Variants in MAGI2 observed in about 807,000 individuals in gnomAD.
MAGI2 encodes the protein membrane associated guanylate kinase, WW and PDZ domain containing 2, also known as membrane-associated guanylate kinase, WW and PDZ domain-containing protein 2.
In MAGI2, 35 loss-of-function variants were observed where a neutral mutation model predicts 133.3. The observed-to-expected ratio is 0.26, with a 90% CI of 0.20 to 0.35. The LOEUF (loss-of-function observed/expected upper bound fraction) is 0.35. Among genes scored for constraint, MAGI2 ranks in the 10% least tolerant of loss-of-function variants. The pLI, the probability that MAGI2 is intolerant of heterozygous loss-of-function variation, is 1.00. For missense variants in MAGI2, 1,636 were observed against 1,863.4 expected (o/e 0.88, Z 2.25); for synonymous variants, 729 against 710.6 (o/e 1.03, Z -0.41).
intron 3 of MAGI2, among the ~76,000 whole-genome samples, chr7:78,571,084 T>C (rs1801449055): frequency 6.6e-6 from 1 of 152,194 alleles, no homozygotes; most frequent in Non-Finnish European, 1.5e-5. Context: ...CTCCTCGAAG[T>C]GAAATGCTCT....
At chr7:78,678,760 A>G (rs1815318036) in intron 2 of MAGI2, among the ~76,000 whole-genome samples, 1 of 152,138 alleles carries the variant, frequency 6.6e-6, no homozygotes, top group Non-Finnish European at 1.5e-5. Flanking sequence ...ATTTAGACTC[A>G]TTATGTGAAT....
chr7:79,044,604 A>T (rs1334131429), intron 1 of MAGI2, among the ~76,000 whole-genome samples: 2 of 152,004 alleles, frequency 1.3e-5, no homozygotes, highest in South Asian at 2.1e-4. Context: ...AATAAAAGGC[A>T]CTCAAATAGG....
chr7:79,281,018 A>T (rs1835601241), intron 1 of MAGI2, among the ~76,000 whole-genome samples: 2 of 151,376 alleles, frequency 1.3e-5, no homozygotes, highest in Admixed American at 1.3e-4. Context: ...GCATAACCTA[A>T]CTGTTTCAAA....
chr7:79,207,183 C>T (rs1829126857), intron 1 of MAGI2, among the ~76,000 whole-genome samples: 1 of 151,856 alleles, frequency 6.6e-6, no homozygotes, highest in African/African-American at 2.4e-5. Context: ...CTACTCTCAC[C>T]ACTTTTATCC....
intron 1 of MAGI2, among the ~76,000 whole-genome samples, chr7:79,023,660 CAA>C (rs1207066472): frequency 6.6e-6 from 1 of 152,076 alleles, no homozygotes; most frequent in Admixed American, 6.6e-5. Context: ...AATCAATGTA[CAA>C]AAATCAGTAG....
At chr7:79,413,883 G>A (rs984801702) in intron 1 of MAGI2, 1 of 151,976 alleles carries the variant, frequency 6.6e-6, no homozygotes, top group Non-Finnish European at 1.5e-5. Flanking sequence ...CCACTCCTTT[G>A]TCCATTATTC....
chr7:78,268,513 C>G (rs1794237398), intron 9 of MAGI2, among the ~76,000 whole-genome samples: 2 of 152,012 alleles, frequency 1.3e-5, no homozygotes, highest in Non-Finnish European at 2.9e-5. Flanking sequence ...TATAGTGTCC[C>G]CATTACATAG....
chr7:78,723,362 C>A (rs1464637203), intron 2 of MAGI2, among the ~76,000 whole-genome samples: 2 of 152,166 alleles, frequency 1.3e-5, no homozygotes, highest in Non-Finnish European at 2.9e-5. Context: ...TGGGCCCTAA[C>A]ACATTTGTAA....
At chr7:78,240,049 A>T (rs1790973291) in intron 10 of MAGI2, among the ~76,000 whole-genome samples, 1 of 151,876 alleles carries the variant, frequency 6.6e-6, no homozygotes, top group South Asian at 2.1e-4. Flanking sequence ...TTTGTTACAT[A>T]GGTGTACATG....
At chr7:78,432,914 A>C (rs1395998532) in intron 6 of MAGI2, among the ~76,000 whole-genome samples, 1 of 152,084 alleles carries the variant, frequency 6.6e-6, no homozygotes, top group African/African-American at 2.4e-5. Flanking sequence ...ATCTAATATC[A>C]GATAATGGTA....
chr7:79,288,775 A>G (rs1836233858), intron 1 of MAGI2, among the ~76,000 whole-genome samples: 1 of 152,184 alleles, frequency 6.6e-6, no homozygotes, highest in African/African-American at 2.4e-5. Flanking sequence ...AACATTATCT[A>G]CTTTAAAATG....
At chr7:78,866,469 A>G (rs1794563409) in intron 2 of MAGI2, among the ~76,000 whole-genome samples, 1 of 151,970 alleles carries the variant, frequency 6.6e-6, no homozygotes, top group African/African-American at 2.4e-5. Flanking sequence ...CTCTCATGTG[A>G]AATTAAGAAG....
intron 3 of MAGI2, among the ~76,000 whole-genome samples, chr7:78,556,666 A>G (rs1799851891): frequency 6.6e-6 from 1 of 152,236 alleles, no homozygotes; most frequent in Non-Finnish European, 1.5e-5. Flanking sequence ...TTTGCTCACT[A>G]TTGTCTAAGT....
At chr7:78,726,226 A>G (rs148722073) in intron 2 of MAGI2, among the ~76,000 whole-genome samples, 30 of 152,318 alleles carry the variant, frequency 2.0e-4, no homozygotes, top group Non-Finnish European at 4.1e-4. Context: ...AACCACTGAT[A>G]ATTTACAGTA....
chr7:78,329,593 A>C (rs1045801181), intron 9 of MAGI2, among the ~76,000 whole-genome samples: 2 of 152,238 alleles, frequency 1.3e-5, no homozygotes, highest in Non-Finnish European at 2.9e-5. Context: ...TTCTCTTAGC[A>C]GAAACATTTA....
chr7:79,062,840 T>C (rs1430817698), intron 1 of MAGI2, among the ~76,000 whole-genome samples: 2 of 152,072 alleles, frequency 1.3e-5, no homozygotes, highest in African/African-American at 4.8e-5. Flanking sequence ...ATTCTGAAAT[T>C]TGATGATGCT....
In MAGI2 at chr7:79,161,527, CA is replaced by C. The variant is rs535220579; in HGVS notation, c.302-154322del. Among the ~76,000 whole-genome samples, 335 of 150,724 alleles carry C rather than the reference CA, an allele frequency of 2.2e-3. 1 individual carries two copies. Among genetic ancestry groups the C allele is most frequent in the African/African-American group, 7.4e-3 (305 of 41,214 alleles). On this transcript the variant is annotated intron_variant, in intron 1 of 21. Coordinates refer to ENST00000354212, the MANE Select transcript of MAGI2 (RefSeq NM_012301.4). ...AATATTTTCCAGAAGAGTTCTGTGA[CA>C]AAAAAAAATATTATGTAAAATCTTG... is the stretch of plus-strand genomic sequence containing the variant.
chr7:78,652,164 G>T (rs1811646242), intron 2 of MAGI2, among the ~76,000 whole-genome samples: 1 of 152,134 alleles, frequency 6.6e-6, no homozygotes, highest in South Asian at 2.1e-4. Flanking sequence ...AATAGACACT[G>T]AAGGTTAGCA....
chr7:78,499,063 A>G (rs1794386162), intron 5 of MAGI2, among the ~76,000 whole-genome samples: 1 of 46,246 alleles, frequency 2.2e-5, no homozygotes, highest in Non-Finnish European at 3.8e-5. Flanking sequence ...TCAAACAACA[A>G]CAACAACAAC....
Sources: gnomAD v4.1 joint callset for allele counts (sites outside exome capture counted in the v4.1 genomes callset) on GRCh38, gnomAD v4.1.1 for gene constraint, MANE v1.5 for transcripts, NCBI Gene and HGNC (gene_info 2026-07-23, HGNC 2026-07-21) for gene names.